CFAP299: variants seen among roughly 807,000 people sequenced by gnomAD.
CFAP299 encodes the protein cilia and flagella associated protein 299, also known as cilia- and flagella-associated protein 299.
A neutral mutation model predicts 27.0 loss-of-function variants in CFAP299; 21 were observed. That is an observed-to-expected ratio of 0.78 (90% CI 0.55 to 1.12). CFAP299 has a LOEUF of 1.12. Ranked by LOEUF, CFAP299 falls within the 50% of genes most tolerant of loss-of-function variation. The pLI is 0.00. For missense variants in CFAP299, 310 were observed against 276.6 expected, an observed-to-expected ratio of 1.12 and a Z score of -0.86; for synonymous variants, 104 against 98.1, an observed-to-expected ratio of 1.06 and a Z score of -0.36.
intron 3 of CFAP299, among the ~76,000 whole-genome samples, chr4:80,663,210 G>A (rs540932906): frequency 4.5e-4 from 69 of 151,948 alleles, no homozygotes; most frequent in African/African-American, 1.6e-3. Context: ...ACGTATACAC[G>A]TGCCATGGTT....
intron 3 of CFAP299, among the ~76,000 whole-genome samples, chr4:80,772,287 C>G (rs1421888860): frequency 6.6e-6 from 1 of 152,036 alleles, no homozygotes; most frequent in Non-Finnish European, 1.5e-5. Context: ...AAAAATATGT[C>G]AAGAGTTGCC....
chr4:80,767,164 A>T (rs1366291269), intron 3 of CFAP299, among the ~76,000 whole-genome samples: 1 of 152,120 alleles, frequency 6.6e-6, no homozygotes. Flanking sequence ...TACAATATAC[A>T]ATATACACAT....
At chr4:80,556,647 G>T (rs895947014) in intron 2 of CFAP299, among the ~76,000 whole-genome samples, 1 of 151,836 alleles carries the variant, frequency 6.6e-6, no homozygotes. Flanking sequence ...TTTAGTTTGA[G>T]GTCAAAAGAT....
chr4:80,923,053 C>G (rs1182274182), intron 4 of CFAP299, among the ~76,000 whole-genome samples: 2 of 151,872 alleles, frequency 1.3e-5, no homozygotes, highest in African/African-American at 4.8e-5. Context: ...TAAACAAAGG[C>G]AAGAACTGTA....
In CFAP299 at chr4:80,622,171, AT is replaced by A. The variant is rs548480869; in HGVS notation, c.333+38993del. On this transcript the variant is annotated intron_variant, in intron 3 of 5. Coordinates refer to ENST00000358105, the MANE Select transcript of CFAP299 (RefSeq NM_152770.3). ...GCCATTATTTTATTTTTGAATAATA[AT>A]TTTTCTGATCATGAGAGAGGAAAAA... 2.4e-3 allele frequency among the ~76,000 whole-genome samples: 368 copies of A among 152,228 alleles called. 1 individual carries two copies. Among genetic ancestry groups the A allele is most frequent in the African/African-American group, 8.4e-3 (349 of 41,540 alleles).
At chr4:80,881,161 G>A (rs1276666852) in intron 4 of CFAP299, among the ~76,000 whole-genome samples, 6 of 152,186 alleles carry the variant, frequency 3.9e-5, no homozygotes, top group Non-Finnish European at 4.4e-5. Flanking sequence ...TCTATGGAGT[G>A]AGGTTCTTTC....
At position 80,722,141 on chromosome 4, in the gene CFAP299, G is replaced by A. The variant is rs188930892; in HGVS notation, c.333+138958G>A. Among the ~76,000 whole-genome samples, 496 of 152,308 alleles carry A rather than the reference G, an allele frequency of 3.3e-3. 3 individuals are homozygous for A. The highest frequency in any genetic ancestry group is 4.7e-3 in the Non-Finnish European group (322 of 68,028). On this transcript the variant is annotated intron_variant, in intron 3 of 5. Coordinates refer to ENST00000358105, the MANE Select transcript of CFAP299 (RefSeq NM_152770.3). Reference sequence around the variant, plus strand: ...CCATATATAGAAAATAATCGAGCCAGGCTCAGTGGCTCATGCCTGTAATCT... The same window carrying A: ...CCATATATAGAAAATAATCGAGCCAAGCTCAGTGGCTCATGCCTGTAATCT...
At chr4:80,902,933 G>T (rs756195248) in intron 4 of CFAP299, among the ~76,000 whole-genome samples, 15 of 151,818 alleles carry the variant, frequency 9.9e-5, no homozygotes, top group Non-Finnish European at 2.1e-4. Flanking sequence ...TTCCATTACT[G>T]TTGTGCTGCA....
At chr4:80,609,835 GA>G (rs1737876120) in intron 3 of CFAP299, among the ~76,000 whole-genome samples, 1 of 151,864 alleles carries the variant, frequency 6.6e-6, no homozygotes, top group African/African-American at 2.4e-5. Flanking sequence ...GCCTACTAAT[GA>G]ATTTTGTCCA....
At chr4:80,519,343 A>T (rs890197123) in intron 2 of CFAP299, among the ~76,000 whole-genome samples, 1 of 152,088 alleles carries the variant, frequency 6.6e-6, no homozygotes, top group African/African-American at 2.4e-5. Context: ...TGTATCTGGG[A>T]TTACAAGCAT....
intron 1 of CFAP299, among the ~76,000 whole-genome samples, chr4:80,360,884 G>A (rs1336966048): frequency 1.3e-5 from 2 of 152,112 alleles, no homozygotes; most frequent in East Asian, 3.9e-4. Context: ...TTTCTTTGTG[G>A]CCCTTACATA....
chr4:80,438,442 C>T (rs962738298), intron 2 of CFAP299, among the ~76,000 whole-genome samples: 1 of 152,138 alleles, frequency 6.6e-6, no homozygotes, highest in African/African-American at 2.4e-5. Flanking sequence ...ATTTATTTTT[C>T]TTCTACCAAC....
chr4:80,758,204 G>C (rs995523757), intron 3 of CFAP299, among the ~76,000 whole-genome samples: 2 of 152,134 alleles, frequency 1.3e-5, no homozygotes, highest in African/African-American at 4.8e-5. Context: ...GGTAAATGTG[G>C]GGAATTTTAT....
chr4:80,955,009 A>C lies in CFAP299; in HGVS notation c.607-8508A>C, dbSNP rs1465977791. 4.2e-5 allele frequency among the ~76,000 whole-genome samples: 5 copies of C among 117,888 alleles called. 1 individual carries two copies. Among genetic ancestry groups the C allele is most frequent in the Non-Finnish European group, 5.3e-5 (3 of 56,596 alleles). The allele number at this position is 117,888 out of a possible 152,430, so 77.3% of individuals were successfully genotyped here. A position where few individuals can be genotyped will look rare whatever the true frequency, so the allele number is the denominator to read the frequency against. On this transcript the variant is annotated intron_variant, in intron 5 of 5. Coordinates refer to ENST00000358105, the MANE Select transcript of CFAP299 (RefSeq NM_152770.3). The stretch of plus-strand genomic sequence containing the variant: ...AGCAAGACTCCATCAAAAAAAAAAA[A>C]AAAAAAAAAAAAAAAAAAAAAAAAA...
intron 2 of CFAP299, among the ~76,000 whole-genome samples, chr4:80,560,409 C>T (rs1734980770): frequency 6.6e-6 from 1 of 152,014 alleles, no homozygotes; most frequent in South Asian, 2.1e-4. Context: ...CAGGGCAAAA[C>T]TCCTTTGGCT....
chr4:80,653,749 G>A (rs1008667717), intron 3 of CFAP299, among the ~76,000 whole-genome samples: 5 of 152,184 alleles, frequency 3.3e-5, no homozygotes, highest in Non-Finnish European at 5.9e-5. Context: ...ACATTTTTAA[G>A]TATTTTCACC....
rs1010952943 is a variant in CFAP299 at position 80,608,594 on chromosome 4, A to G, written c.333+25411A>G. Among the ~76,000 whole-genome samples the G allele has an allele frequency of 4.6e-5, 7 of 152,204 alleles. No individual in the cohort carries two copies. In the South Asian group the frequency reaches 6.2e-4, roughly 14 times the overall value. The stretch of plus-strand genomic sequence containing the variant: ...TTTAGGGTAAATGGCTCTCATTTTG[A>G]AAAAAAGCGCATTGTAGATTTAATG... On this transcript the variant is annotated intron_variant, in intron 3 of 5. Coordinates refer to ENST00000358105, the MANE Select transcript of CFAP299 (RefSeq NM_152770.3).
chr4:80,584,079 C>T (rs533170019), intron 3 of CFAP299, among the ~76,000 whole-genome samples: 3 of 151,610 alleles, frequency 2.0e-5, no homozygotes, highest in Admixed American at 6.6e-5. Flanking sequence ...TAGAATTAAC[C>T]CCGACTTAAA....
At chr4:80,322,234 C>A in the CFAP299 span, among the ~76,000 whole-genome samples, 5 of 152,216 alleles carry the variant, frequency 3.3e-5, no homozygotes, top group Non-Finnish European at 7.3e-5. Flanking sequence ...AGAGGAACAT[C>A]TGCAGCCGAG....
Sources: allele counts gnomAD v4.1 joint callset (sites outside exome capture counted in the v4.1 genomes callset), GRCh38; gene constraint gnomAD v4.1.1; transcripts MANE v1.5; gene names NCBI Gene and HGNC (gene_info 2026-07-23, HGNC 2026-07-21).